Variants in LRP1B observed in about 807,000 individuals in gnomAD.
LRP1B encodes LDL receptor related protein 1B.
LRP1B carries 217 observed loss-of-function variants against 556.6 expected under a neutral mutation model. That is an observed-to-expected ratio of 0.39 (90% CI 0.35 to 0.44). The LOEUF (loss-of-function observed/expected upper bound fraction) is 0.44. LRP1B is among the 20% of genes least tolerant of loss of function. The pLI is 1.00. For missense variants in LRP1B, 5,053 were observed against 5,620.8 expected (o/e 0.90, Z 3.23); for synonymous variants, 2,047 against 1,865.8 (o/e 1.10, Z -2.50).
chr2:140,530,168 CA>C (rs1209643062), intron 47 of LRP1B, among the ~76,000 whole-genome samples: 2 of 152,092 alleles, frequency 1.3e-5, no homozygotes, highest in African/African-American at 4.8e-5. Context: ...TACAGTCTAT[CA>C]AAATCTCCCT....
chr2:141,788,423 A>G (rs1050726292), intron 2 of LRP1B, among the ~76,000 whole-genome samples: 1 of 152,096 alleles, frequency 6.6e-6, no homozygotes, highest in African/African-American at 2.4e-5. Context: ...GAACAATTCT[A>G]TGATATTATT....
At chr2:141,858,451 T>C (rs1346485681) in intron 1 of LRP1B, among the ~76,000 whole-genome samples, 1 of 152,168 alleles carries the variant, frequency 6.6e-6, no homozygotes, top group Non-Finnish European at 1.5e-5. Flanking sequence ...TTTGAATGAA[T>C]GAATTCACAG....
intron 1 of LRP1B, among the ~76,000 whole-genome samples, chr2:141,890,325 T>TAA (rs1558942657): frequency 3.5e-5 from 1 of 28,328 alleles, no homozygotes. Flanking sequence ...GCACAATACA[T>TAA]ATATATATAT....
At chr2:141,208,876 CAAAAAAAAAAAAAAAAAAAAAAAAAA>C (rs57659094) in intron 6 of LRP1B, among the ~76,000 whole-genome samples, 677 of 65,488 alleles carry the variant, frequency 0.01, 18 homozygotes, top group African/African-American at 0.016. Flanking sequence ...GATTCCGTCT[CAAAAAAAAAAAAAAAAAAAAAAAAAA>C]AAAAAAAAAA....
intron 37 of LRP1B, among the ~76,000 whole-genome samples, chr2:140,714,195 G>A (rs1206819933): frequency 6.6e-6 from 1 of 152,118 alleles, no homozygotes; most frequent in Non-Finnish European, 1.5e-5. Context: ...TCTTTCATAT[G>A]TACTTGTATT....
chr2:141,558,997 GT>G (rs1158403813), intron 2 of LRP1B, among the ~76,000 whole-genome samples: 1 of 151,274 alleles, frequency 6.6e-6, no homozygotes, highest in African/African-American at 2.4e-5. Flanking sequence ...TTAGCCTTAG[GT>G]TATTAATATT....
At chr2:141,950,488 C>A (rs1018817666) in intron 1 of LRP1B, among the ~76,000 whole-genome samples, 8 of 152,056 alleles carry the variant, frequency 5.3e-5, no homozygotes, top group Non-Finnish European at 1.0e-4. Context: ...GATGAAGAAA[C>A]ATTTTAAATA....
At chr2:141,484,964 T>C (rs1318230277) in intron 2 of LRP1B, among the ~76,000 whole-genome samples, 2 of 152,128 alleles carry the variant, frequency 1.3e-5, no homozygotes, top group African/African-American at 4.8e-5. Context: ...ACTGTTAAGA[T>C]TGCCAGGTAA....
chr2:140,277,592 A>G (rs1682730678), intron 84 of LRP1B, among the ~76,000 whole-genome samples: 1 of 151,988 alleles, frequency 6.6e-6, no homozygotes, highest in African/African-American at 2.4e-5. Context: ...CCTGGGCAAC[A>G]AGAGTGAAAC....
intron 3 of LRP1B, among the ~76,000 whole-genome samples, chr2:141,469,505 T>G (rs1385887075): frequency 6.9e-6 from 1 of 144,504 alleles, no homozygotes; most frequent in Non-Finnish European, 1.5e-5. Flanking sequence ...CCCATTTTAT[T>G]ATGGCTCATG....
At chr2:140,595,095 T>C (rs1462457594) in intron 43 of LRP1B, among the ~76,000 whole-genome samples, 2 of 37,600 alleles carry the variant, frequency 5.3e-5, no homozygotes, top group Non-Finnish European at 5.2e-5. Flanking sequence ...TGAATATATA[T>C]ATATATATAT....
At chr2:140,660,084 T>C (rs1685036551) in intron 41 of LRP1B, among the ~76,000 whole-genome samples, 1 of 152,050 alleles carries the variant, frequency 6.6e-6, no homozygotes, top group South Asian at 2.1e-4. Context: ...AAAAAGTGTA[T>C]ATTATTAGAA....
At chr2:140,933,880 T>C (rs1443510060) in intron 20 of LRP1B, among the ~76,000 whole-genome samples, 1 of 152,146 alleles carries the variant, frequency 6.6e-6, no homozygotes, top group East Asian at 1.9e-4. Context: ...AGCCTTGAGT[T>C]GTCTTTACTT....
At chr2:141,185,797 T>G (rs899985445) in intron 7 of LRP1B, among the ~76,000 whole-genome samples, 1 of 151,356 alleles carries the variant, frequency 6.6e-6, no homozygotes, top group Non-Finnish European at 1.5e-5. Flanking sequence ...TATGCTTAAG[T>G]GCCAGGTGCA....
Position 140,395,431 on chromosome 2 carries a change from A to G in LRP1B, c.10415-9422T>C, listed in dbSNP as rs149175017. On this transcript the variant is annotated intron_variant, in intron 66 of 90. Transcript: ENST00000389484. ...TGTAAAGTGTTTGGTGAATCTGAAA[A>G]TTAATTTCATGTTACTTCTCATCCA... 3.3e-4 allele frequency among the ~76,000 whole-genome samples: 50 copies of G among 152,314 alleles called. No individual in the cohort carries two copies. In the East Asian group the frequency reaches 5.8e-3, roughly 18 times the overall value.
intron 1 of LRP1B, among the ~76,000 whole-genome samples, chr2:141,960,109 AAG>A (rs1701359839): frequency 6.6e-6 from 1 of 151,916 alleles, no homozygotes; most frequent in Non-Finnish European, 1.5e-5. Flanking sequence ...AGGGCTTCAT[AAG>A]AGAGAGAAAG....
intron 2 of LRP1B, among the ~76,000 whole-genome samples, chr2:141,559,984 C>T (rs1686088616): frequency 2.0e-5 from 3 of 151,526 alleles, no homozygotes; most frequent in Admixed American, 2.0e-4. Flanking sequence ...TTCCATGATC[C>T]AAAACCTTGA....
intron 41 of LRP1B, among the ~76,000 whole-genome samples, chr2:140,640,351 T>G (rs1684239744): frequency 6.7e-6 from 1 of 149,776 alleles, no homozygotes; most frequent in Non-Finnish European, 1.5e-5. Flanking sequence ...CATCATTTGC[T>G]TTCATCATCC....
At chr2:141,400,915 C>A (rs1056268380) in intron 3 of LRP1B, among the ~76,000 whole-genome samples, 1 of 152,162 alleles carries the variant, frequency 6.6e-6, no homozygotes, top group African/African-American at 2.4e-5. Flanking sequence ...GCCTTACATA[C>A]CACAATTCCA....
Sources: allele counts gnomAD v4.1 joint callset (sites outside exome capture counted in the v4.1 genomes callset), GRCh38; gene constraint gnomAD v4.1.1; transcripts MANE v1.5; gene names NCBI Gene and HGNC (gene_info 2026-07-23, HGNC 2026-07-21).